Variants in SOCS6 observed in about 807,000 individuals in gnomAD.
SOCS6 encodes suppressor of cytokine signaling 6, also known as STAT induced STAT inhibitor-4.
Under a neutral mutation model 27.7 loss-of-function variants are expected in SOCS6, and 5 were observed. The observed-to-expected ratio is 0.18, with a 90% CI of 0.09 to 0.38. The LOEUF (loss-of-function observed/expected upper bound fraction) is 0.38, where lower values mean the gene tolerates loss of function less well. Among genes scored for constraint, SOCS6 ranks in the 10% least tolerant of loss-of-function variants. The probability of loss-of-function intolerance (pLI) is 1.00; values close to 1 mark genes in which losing one functional copy is unlikely to be tolerated. For missense variants in SOCS6, 595 were observed against 688.1 expected (o/e 0.86, Z 1.51); for synonymous variants, 271 against 260.0 (o/e 1.04, Z -0.41).
intron 1 of SOCS6, among the ~76,000 whole-genome samples, chr18:70,316,786 C>T (rs1003960650): frequency 6.6e-6 from 1 of 152,016 alleles, no homozygotes; most frequent in African/African-American, 2.4e-5. Context: ...GTACTTTAAA[C>T]ATTTTATTTT....
At chr18:70,300,409 G>A (rs1189460592) in intron 1 of SOCS6, among the ~76,000 whole-genome samples, 2 of 152,196 alleles carry the variant, frequency 1.3e-5, no homozygotes. Flanking sequence ...GATTACAGGT[G>A]TGAGCCACCG....
At chr18:70,299,561 G>A (rs764654611) in intron 1 of SOCS6, among the ~76,000 whole-genome samples, 4 of 152,088 alleles carry the variant, frequency 2.6e-5, no homozygotes, top group Admixed American at 1.3e-4. Flanking sequence ...GGATAGGGAC[G>A]GGGGGTCGGT....
chr18:70,317,802 A>G (rs557096352), intron 1 of SOCS6, among the ~76,000 whole-genome samples: 1 of 152,214 alleles, frequency 6.6e-6, no homozygotes, highest in South Asian at 2.1e-4. Context: ...ATTCCCGCCA[A>G]CAGTGTAGAA....
In SOCS6 at chr18:70,289,085, CTCCGGGTAAGCG is replaced by C. The variant is rs1840603785; in HGVS notation, c.-127+2_-127+13del. On this transcript the variant is annotated splice_donor_variant and splice_donor_5th_base_variant and 5_prime_UTR_variant and intron_variant, in exon 1 of 2. Transcript: ENST00000397942. LOFTEE classifies it low-confidence loss of function (5UTR_SPLICE). Reference sequence around the variant, plus strand: ...GGGCGAGGAAGCGGAGCCGGGCCGCCTCCGGGTAAGCGTCCGGGGAGCTCGGGCGGGAGGCAG... The same window carrying C: ...GGGCGAGGAAGCGGAGCCGGGCCGCCTCCGGGGAGCTCGGGCGGGAGGCAG... 6.7e-6 allele frequency: 1 copy of C among 149,982 alleles called. No individual in the cohort carries two copies. The highest frequency in any genetic ancestry group is 1.5e-5 in the Non-Finnish European group (1 of 67,304). The allele number at this position is 149,982 out of a possible 1,614,324, so 9.3% of individuals were successfully genotyped here. A position where few individuals can be genotyped will look rare whatever the true frequency, so the allele number is the denominator to read the frequency against.
chr18:70,313,845 T>C (rs1032310252), intron 1 of SOCS6, among the ~76,000 whole-genome samples: 5 of 152,212 alleles, frequency 3.3e-5, no homozygotes, highest in South Asian at 2.1e-4. Flanking sequence ...TTCACTGTCA[T>C]TTTGTTGACT....
intron 1 of SOCS6, among the ~76,000 whole-genome samples, chr18:70,294,737 G>C (rs532194070): frequency 1.3e-5 from 2 of 152,352 alleles, no homozygotes; most frequent in Admixed American, 6.5e-5. Context: ...AGTGTTAGCA[G>C]CAATTGCCTG....
chr18:70,290,846 G>A (rs941312817), intron 1 of SOCS6, among the ~76,000 whole-genome samples: 1 of 151,990 alleles, frequency 6.6e-6, no homozygotes, highest in African/African-American at 2.4e-5. Flanking sequence ...CTCTAAATTG[G>A]TAGTCTTGCC....
intron 1 of SOCS6, among the ~76,000 whole-genome samples, chr18:70,317,199 C>A (rs2062414955): frequency 6.6e-6 from 1 of 152,172 alleles, no homozygotes; most frequent in African/African-American, 2.4e-5. Flanking sequence ...TTATCCCTCA[C>A]CCCCTCCCAC....
At chr18:70,324,015 A>G (rs1463773171) in intron 1 of SOCS6, among the ~76,000 whole-genome samples, 1 of 152,156 alleles carries the variant, frequency 6.6e-6, no homozygotes, top group Non-Finnish European at 1.5e-5. Flanking sequence ...CTTTATAAAC[A>G]TCATCGGGCG....
At position 70,326,417 on chromosome 18, in the gene SOCS6, A is replaced by G; in HGVS notation, c.*141A>G. 2 of 747,488 alleles carry G rather than the reference A, an allele frequency of 2.7e-6. No individual in the cohort carries two copies. Among genetic ancestry groups the G allele is most frequent in the Non-Finnish European group, 4.3e-6 (2 of 460,280 alleles). 46.3% of individuals were successfully genotyped at this position (747,488 alleles called of 1,614,324 possible). A position where few individuals can be genotyped will look rare whatever the true frequency, so the allele number is the denominator to read the frequency against. On this transcript the variant is annotated 3_prime_UTR_variant, in exon 2 of 2. Transcript: ENST00000397942. ...GTGTAAAAGAGTCATCAGTTTGTTT[A>G]GGGGTGGGGAAGTGTCAGCAAGGTG...
chr18:70,316,029 T>C (rs1386696426), intron 1 of SOCS6, among the ~76,000 whole-genome samples: 1 of 152,110 alleles, frequency 6.6e-6, no homozygotes, highest in Non-Finnish European at 1.5e-5. Flanking sequence ...TTTTTATTTT[T>C]AGTAGAGACA....
chr18:70,312,272 C>T (rs78496021), intron 1 of SOCS6, among the ~76,000 whole-genome samples: 6 of 151,908 alleles, frequency 3.9e-5, no homozygotes, highest in African/African-American at 1.5e-4. Context: ...AATATGTGGT[C>T]TGTATTTACC....
At chr18:70,297,822 G>A (rs1408776202) in intron 1 of SOCS6, among the ~76,000 whole-genome samples, 3 of 152,072 alleles carry the variant, frequency 2.0e-5, no homozygotes, top group Non-Finnish European at 4.4e-5. Context: ...AATTTCATGT[G>A]GATTACTTTT....
At chr18:70,298,364 T>C (rs1036066462) in intron 1 of SOCS6, among the ~76,000 whole-genome samples, 1 of 152,214 alleles carries the variant, frequency 6.6e-6, no homozygotes, top group African/African-American at 2.4e-5. Flanking sequence ...AAAATAATTT[T>C]GTTTACATTA....
intron 1 of SOCS6, among the ~76,000 whole-genome samples, chr18:70,308,676 A>G (rs1354478980): frequency 1.3e-5 from 2 of 152,092 alleles, no homozygotes; most frequent in East Asian, 3.9e-4. Flanking sequence ...ATCTTCAGGT[A>G]TTATTGTTGA....
chr18:70,300,349 G>A lies in SOCS6; in HGVS notation c.-127+11259G>A, dbSNP rs41403750. Among the ~76,000 whole-genome samples, 538 of 152,092 alleles carry A rather than the reference G, an allele frequency of 3.5e-3. 2 individuals carry two copies. The highest frequency in any genetic ancestry group is 0.012 in the African/African-American group (499 of 41,492). On this transcript the variant is annotated intron_variant, in intron 1 of 1. Transcript: ENST00000397942. The stretch of plus-strand genomic sequence containing the variant: ...TCACCACGTGGGCCAGGCTAGTCTC[G>A]AACACCTGACCTCAAGTGATCTGCC...
intron 1 of SOCS6, among the ~76,000 whole-genome samples, chr18:70,294,127 T>C (rs982543349): frequency 1.3e-5 from 2 of 151,806 alleles, no homozygotes; most frequent in Non-Finnish European, 2.9e-5. Flanking sequence ...AATGAGATAA[T>C]GCATGTTAGT....
rs1044134150 is a variant in SOCS6, at chr18:70,328,119, A to G, written c.*1843A>G. The G allele has an allele frequency of 1.8e-5, 3 of 166,662 alleles. No individual in the cohort carries two copies. Among genetic ancestry groups the G allele is most frequent in the African/African-American group, 7.2e-5 (3 of 41,458 alleles). The allele number at this position is 166,662 out of a possible 1,614,324, so 10.3% of individuals were successfully genotyped here. ...GTATACTGTAATAATATAAGTGTTC[A>G]TTATAAGCTATTTGGATTAAGAACT... On this transcript the variant is annotated 3_prime_UTR_variant, in exon 2 of 2. Transcript: ENST00000397942.
At chr18:70,309,920 A>G (rs2062383707) in intron 1 of SOCS6, among the ~76,000 whole-genome samples, 1 of 152,150 alleles carries the variant, frequency 6.6e-6, no homozygotes, top group Non-Finnish European at 1.5e-5. Context: ...TCCTGACCTC[A>G]AGTGATCCTC....
Sources: gnomAD v4.1 joint callset for allele counts (sites outside exome capture counted in the v4.1 genomes callset) on GRCh38, gnomAD v4.1.1 for gene constraint, MANE v1.5 for transcripts, NCBI Gene and HGNC (gene_info 2026-07-23, HGNC 2026-07-21) for gene names.